JCAD: variants seen among roughly 807,000 people sequenced by gnomAD.
JCAD encodes junctional cadherin 5-associated protein.
A neutral mutation model predicts 98.0 loss-of-function variants in JCAD; 40 were observed. The observed-to-expected ratio is 0.41, with a 90% CI of 0.32 to 0.53. The LOEUF (loss-of-function observed/expected upper bound fraction) is 0.53. Among genes scored for constraint, JCAD ranks in the 20% least tolerant of loss-of-function variants. JCAD has a pLI of 0.31. For synonymous variants in JCAD, 691 were observed against 682.3 expected (o/e 1.01, Z -0.20); for missense variants, 1,705 against 1,738.1 (o/e 0.98, Z 0.34).
At chr10:30,029,958 C>T in intron 2 of JCAD, 92 bp from the exon 3 acceptor site, 1 of 1,404,500 alleles carries the variant, frequency 7.1e-7, no homozygotes, top group Non-Finnish European at 9.5e-7. Flanking sequence ...CTCAGGTCAG[C>T]AACTTTGAAA....
Position 30,027,514 on chromosome 10 carries a change from ATCC to A in JCAD, c.2631_2633del (p.Glu877del). The A allele has an allele frequency of 6.2e-7, 1 of 1,611,414 alleles. No homozygotes were observed. Among genetic ancestry groups the A allele is most frequent in the Non-Finnish European group, 8.5e-7 (1 of 1,179,988 alleles). On this transcript the variant is annotated inframe_deletion, in exon 3 of 4. Transcript: ENST00000375377. ...CCGGGCTGTTTCCGCGGAAGCCCAC[ATCC>A]TCCTGTCTGCAGTGAGCACGGTTCT...
At chr10:30,082,868 AAAAAAAAAAC>A (rs1239166882) in intron 1 of JCAD, among the ~76,000 whole-genome samples, 2 of 148,868 alleles carry the variant, frequency 1.3e-5, no homozygotes, top group African/African-American at 2.5e-5. Flanking sequence ...AAAAAAAAAA[AAAAAAAAAAC>A]AAAAAATTAG....
At chr10:30,047,975 G>A in intron 1 of JCAD, 104 bp from the exon 2 acceptor site, 1 of 638,376 alleles carries the variant, frequency 1.6e-6, no homozygotes, top group Non-Finnish European at 2.7e-6. Context: ...CATGGCGATG[G>A]ACACAGCACA....
At chr10:30,069,258 C>A (rs1179209880) in intron 2 of JCAD, among the ~76,000 whole-genome samples, 1 of 151,844 alleles carries the variant, frequency 6.6e-6, no homozygotes, top group Non-Finnish European at 1.5e-5. Context: ...GGAGTGGGGG[C>A]CAAAGCATTA....
At chr10:30,051,858 A>G (rs987408142) in intron 1 of JCAD, among the ~76,000 whole-genome samples, 1 of 152,262 alleles carries the variant, frequency 6.6e-6, no homozygotes, top group African/African-American at 2.4e-5. Flanking sequence ...CTCAGTGACG[A>G]GGATAATGAT....
intron 2 of JCAD, among the ~76,000 whole-genome samples, chr10:30,067,594 C>T (rs1414438595): frequency 6.6e-6 from 1 of 151,720 alleles, no homozygotes; most frequent in Non-Finnish European, 1.5e-5. Flanking sequence ...TCCCAAAGTG[C>T]TGGGATTACA....
intron 1 of JCAD, among the ~76,000 whole-genome samples, chr10:30,071,196 C>T (rs924422833): frequency 8.5e-5 from 13 of 152,314 alleles, no homozygotes; most frequent in African/African-American, 2.2e-4. Flanking sequence ...TAAGCCACCA[C>T]GCCCCAGCCT....
upstream of JCAD, among the ~76,000 whole-genome samples, chr10:30,060,687 C>CT (rs1564459199): frequency 2.0e-5 from 3 of 152,228 alleles, no homozygotes; most frequent in African/African-American, 7.2e-5. Flanking sequence ...CAATAACTAA[C>CT]TTTTTTTGCT....
chr10:30,089,389 C>T (rs752436919), intron 1 of JCAD, among the ~76,000 whole-genome samples: 1 of 152,170 alleles, frequency 6.6e-6, no homozygotes, highest in African/African-American at 2.4e-5. Flanking sequence ...AATAACACCT[C>T]TTCTCGCCCT....
At chr10:30,078,747 T>C (rs1838023921) in intron 1 of JCAD, among the ~76,000 whole-genome samples, 1 of 152,216 alleles carries the variant, frequency 6.6e-6, no homozygotes, top group Non-Finnish European at 1.5e-5. Context: ...AGTAGATGTA[T>C]CTGAGCTGCA....
intron 1 of JCAD, among the ~76,000 whole-genome samples, chr10:30,099,596 G>A (rs987685704): frequency 2.0e-5 from 3 of 151,438 alleles, no homozygotes; most frequent in African/African-American, 7.3e-5. Context: ...AACAGGAAGG[G>A]GTATAATAAA....
intron 1 of JCAD, among the ~76,000 whole-genome samples, chr10:30,071,316 C>T (rs779199777): frequency 3.9e-5 from 6 of 151,984 alleles, no homozygotes; most frequent in Non-Finnish European, 7.4e-5. Flanking sequence ...TTTTACTTTC[C>T]CTAGCTCTCC....
intron 3 of JCAD, 145 bp downstream of exon 3, chr10:30,025,958 A>G (rs1836782988): frequency 5.5e-6 from 5 of 912,472 alleles, no homozygotes; most frequent in Non-Finnish European, 6.8e-6. Context: ...TTCGAAAATG[A>G]GGAATCTTTT....
At chr10:30,077,447 G>A (rs1274155997) in intron 1 of JCAD, among the ~76,000 whole-genome samples, 1 of 152,046 alleles carries the variant, frequency 6.6e-6, no homozygotes, top group Admixed American at 6.6e-5. Flanking sequence ...TGACCTTTCT[G>A]TACTTTTGTT....
At position 30,029,244 on chromosome 10, in the gene JCAD, G is replaced by A. The variant is rs1383174731; in HGVS notation, c.904C>T (p.Gln302Ter). The A allele has an allele frequency of 1.2e-6, 2 of 1,614,168 alleles. No homozygotes were observed. Among genetic ancestry groups the A allele is most frequent in the Admixed American group, 3.3e-5 (2 of 60,018 alleles). The change falls in exon 3 of 4, where the codon CAG becomes TAG. Residue 302 changes from glutamine (Q) to a stop codon, truncating the protein, a stop_gained. Coordinates refer to ENST00000375377, the MANE Select transcript of JCAD (RefSeq NM_020848.4). LOFTEE classifies it high-confidence loss of function. The stretch of plus-strand genomic sequence containing the variant: ...CTGTCCGCTCCTCCCCTAGACTGCT[G>A]GTGCGAGCTGTAAGATGGGGGCTTG... ...PLKPPSYSSH[Q>*]QSRGGADSSD...
chr10:30,084,711 A>C (rs537297322), intron 1 of JCAD, among the ~76,000 whole-genome samples: 1 of 152,094 alleles, frequency 6.6e-6, no homozygotes. Flanking sequence ...AGGATTCTCA[A>C]CTCACGCTGA....
chr10:30,039,455 C>T (rs965228559), intron 2 of JCAD, among the ~76,000 whole-genome samples: 1 of 152,192 alleles, frequency 6.6e-6, no homozygotes, highest in Non-Finnish European at 1.5e-5. Flanking sequence ...GGACAGAATC[C>T]TTCCTTTTGA....
intron 1 of JCAD, among the ~76,000 whole-genome samples, chr10:30,049,705 T>A (rs1319609739): frequency 6.6e-6 from 1 of 152,164 alleles, no homozygotes; most frequent in Admixed American, 6.6e-5. Context: ...AAGGGTTTGT[T>A]CTTTAATTCA....
At chr10:30,044,811 C>G in intron 2 of JCAD, 1 of 976,852 alleles carries the variant, frequency 1.0e-6, no homozygotes, top group Non-Finnish European at 1.2e-6. Flanking sequence ...ATTTTCAGTT[C>G]TCTATTGGGC....
Sources: gnomAD v4.1 joint callset for allele counts (sites outside exome capture counted in the v4.1 genomes callset) on GRCh38, gnomAD v4.1.1 for gene constraint, MANE v1.5 for transcripts, NCBI Gene and HGNC (gene_info 2026-07-23, HGNC 2026-07-21) for gene names.